Variants in CDH7 observed in about 807,000 individuals in gnomAD.
The protein encoded by CDH7 is cadherin 7.
A neutral mutation model predicts 71.8 loss-of-function variants in CDH7; 25 were observed. The ratio of observed to expected loss-of-function variants is 0.35; its 90% CI spans 0.25 to 0.49. The LOEUF is 0.49. CDH7 is among the 20% of genes least tolerant of loss of function. The pLI is 0.99. For missense variants in CDH7, 862 were observed against 974.6 expected (o/e 0.88, Z 1.54); for synonymous variants, 381 against 363.8 (o/e 1.05, Z -0.54).
chr18:65,845,252 T>A (rs965634686), intron 7 of CDH7, among the ~76,000 whole-genome samples: 3 of 151,626 alleles, frequency 2.0e-5, no homozygotes, highest in African/African-American at 4.8e-5. Context: ...TAGTAAAGGA[T>A]TGGTATAGAA....
In CDH7 at chr18:65,844,053, A is replaced by G; in HGVS notation, c.1223A>G (p.Asn408Ser). 3 of 1,612,844 alleles carry G rather than the reference A, an allele frequency of 1.9e-6. No homozygotes were observed. The highest frequency in any genetic ancestry group is 2.2e-5 in the East Asian group (1 of 44,852). The change falls in exon 7 of 12, where the codon AAT (asparagine) becomes AGT (serine). Residue 408 changes from asparagine (N) to serine (S), a missense_variant. By Grantham distance (46) the Asn-to-Ser change is conservative. Transcript: ENST00000397968. ...TVAAHDPDSS[N>S]SPVRYSIDRN... Reference sequence around the variant, plus strand: ...GCAGCTCATGACCCAGATTCTTCCAATAGCCCTGTGAGGTAAAAACTCATT... The same window carrying G: ...GCAGCTCATGACCCAGATTCTTCCAGTAGCCCTGTGAGGTAAAAACTCATT...
intron 2 of CDH7, among the ~76,000 whole-genome samples, chr18:65,767,896 C>T (rs1916424776): frequency 6.6e-6 from 1 of 152,102 alleles, no homozygotes; most frequent in Non-Finnish European, 1.5e-5. Context: ...CACTAAAATG[C>T]AGAAACCCAC....
In CDH7 at chr18:65,789,162, G is replaced by A. The variant is rs945459450; in HGVS notation, c.211-20542G>A. Among the ~76,000 whole-genome samples, 4 of 152,154 alleles carry A rather than the reference G, an allele frequency of 2.6e-5. No homozygotes were observed. In the East Asian group the frequency reaches 5.8e-4, roughly 22 times the overall value. On this transcript the variant is annotated intron_variant, in intron 2 of 11. Coordinates refer to ENST00000397968, the MANE Select transcript of CDH7 (RefSeq NM_004361.5). ...TTGTTTGCTGGTGAATTTTATTAAT[G>A]TGCAGTGGGAGATTAAGGAAAGAGT...
intron 2 of CDH7, among the ~76,000 whole-genome samples, chr18:65,782,026 C>CCT (rs1910283177): frequency 2.8e-5 from 2 of 70,490 alleles, no homozygotes; most frequent in African/African-American, 2.1e-4. Context: ...CTCTCTCTTT[C>CCT]TCCCTTCCTT....
At chr18:65,818,177 C>T (rs984540587) in intron 4 of CDH7, among the ~76,000 whole-genome samples, 9 of 152,158 alleles carry the variant, frequency 5.9e-5, no homozygotes, top group African/African-American at 2.2e-4. Context: ...GATACACACA[C>T]CTAAGAATGT....
chr18:65,783,702 T>C (rs993316373), intron 2 of CDH7, among the ~76,000 whole-genome samples: 1 of 152,156 alleles, frequency 6.6e-6, no homozygotes, highest in Non-Finnish European at 1.5e-5. Context: ...CACAAGTGCC[T>C]GACACCGTAT....
upstream of CDH7, chr18:65,750,307 G>A (rs888047144): frequency 1.3e-5 from 2 of 151,458 alleles, no homozygotes; most frequent in Non-Finnish European, 2.9e-5. Context: ...AAAACTGTAA[G>A]TTCTGATTAG....
intron 1 of CDH7, among the ~76,000 whole-genome samples, chr18:65,760,294 A>C (rs1916153539): frequency 1.3e-5 from 2 of 152,328 alleles, no homozygotes; most frequent in Middle Eastern, 3.4e-3. Flanking sequence ...GGAACGTCTT[A>C]GAATTTAACT....
At chr18:65,828,538 G>T (rs1190280246) in intron 6 of CDH7, among the ~76,000 whole-genome samples, 1 of 152,104 alleles carries the variant, frequency 6.6e-6, no homozygotes, top group Non-Finnish European at 1.5e-5. Context: ...TAAAATATAT[G>T]AAGATATTAG....
At chr18:65,824,922 T>C (rs999028849) in intron 6 of CDH7, 91 bp downstream of exon 6, 1 of 764,220 alleles carries the variant, frequency 1.3e-6, no homozygotes, top group African/African-American at 1.8e-5. Context: ...CGAATGGCCA[T>C]ATGGGACCAT....
intron 4 of CDH7, among the ~76,000 whole-genome samples, chr18:65,816,134 T>G (rs1000417002): frequency 6.6e-6 from 1 of 152,136 alleles, no homozygotes; most frequent in African/African-American, 2.4e-5. Flanking sequence ...TCAAACCTGA[T>G]TTTAATTTCA....
chr18:65,833,050 A>G (rs1357253856), intron 6 of CDH7, among the ~76,000 whole-genome samples: 1 of 152,230 alleles, frequency 6.6e-6, no homozygotes, highest in Non-Finnish European at 1.5e-5. Flanking sequence ...TAGGCTTTTA[A>G]AGGCTAATTT....
intron 11 of CDH7, among the ~76,000 whole-genome samples, chr18:65,868,705 A>G (rs1325977116): frequency 2.6e-5 from 4 of 152,252 alleles, no homozygotes; most frequent in Non-Finnish European, 4.4e-5. Flanking sequence ...ATTTGAGGTT[A>G]TATTTCAGTA....
Position 65,862,721 on chromosome 18 carries a change from A to T in CDH7, c.1668A>T (p.Ser556=), listed in dbSNP as rs1913612449. ...RRNGFRRQEQ[S]VYYLPIFIVD... Reference sequence around the variant, plus strand: ...ACGGCTTCCGGAGACAGGAACAATCAGTTTACTATCTGCCAATTTTCATTG... The same window carrying T: ...ACGGCTTCCGGAGACAGGAACAATCTGTTTACTATCTGCCAATTTTCATTG... Residue 556 remains serine, a synonymous_variant, in exon 11 of 12, where the codon TCA becomes TCT. Coordinates refer to ENST00000397968, the MANE Select transcript of CDH7 (RefSeq NM_004361.5). 1 of 1,613,930 alleles carries T rather than the reference A, an allele frequency of 6.2e-7. No individual in the cohort carries two copies. The highest frequency in any genetic ancestry group is 1.7e-5 in the Admixed American group (1 of 60,006).
At chr18:65,852,892 A>G (rs1296712804) in intron 7 of CDH7, among the ~76,000 whole-genome samples, 1 of 152,198 alleles carries the variant, frequency 6.6e-6, no homozygotes, top group Non-Finnish European at 1.5e-5. Context: ...GCAAAGAGAA[A>G]AGTTCAGAAG....
At chr18:65,788,117 T>A (rs956945340) in intron 2 of CDH7, among the ~76,000 whole-genome samples, 9 of 152,292 alleles carry the variant, frequency 5.9e-5, no homozygotes, top group Middle Eastern at 3.4e-3. Flanking sequence ...AATAAGCTTG[T>A]ATAATCAGGA....
At chr18:65,796,840 A>G (rs1910934125) in intron 2 of CDH7, among the ~76,000 whole-genome samples, 1 of 152,226 alleles carries the variant, frequency 6.6e-6, no homozygotes, top group African/African-American at 2.4e-5. Flanking sequence ...TCTATGGACT[A>G]ATAAATAATC....
chr18:65,879,765 GAA>G (rs1357609717), intron 11 of CDH7, among the ~76,000 whole-genome samples: 6 of 152,168 alleles, frequency 3.9e-5, no homozygotes, highest in Non-Finnish European at 8.8e-5. Context: ...GAGAGTTGCT[GAA>G]AATCTCACAG....
intron 6 of CDH7, among the ~76,000 whole-genome samples, chr18:65,835,815 GCCT>G (rs997869997): frequency 3.9e-5 from 6 of 152,274 alleles, no homozygotes; most frequent in Admixed American, 3.9e-4. Flanking sequence ...ACACAATAAT[GCCT>G]CCTCCTCAAA....
Sources: gnomAD v4.1 joint callset for allele counts (sites outside exome capture counted in the v4.1 genomes callset) on GRCh38, gnomAD v4.1.1 for gene constraint, MANE v1.5 for transcripts, NCBI Gene and HGNC (gene_info 2026-07-23, HGNC 2026-07-21) for gene names.